BARD1: variants seen among roughly 807,000 people sequenced by gnomAD.
BARD1 encodes BRCA1 associated RING domain 1.
A neutral mutation model predicts 77.0 loss-of-function variants in BARD1; 73 were observed. The observed-to-expected ratio is 0.95, with a 90% CI of 0.79 to 1.15. The LOEUF is 1.15. Ranked by LOEUF, BARD1 falls within the 50% of genes most tolerant of loss-of-function variation. BARD1 has a pLI of 0.00. For missense variants in BARD1, 993 were observed against 938.8 expected (o/e 1.06, Z -0.75); for synonymous variants, 384 against 338.0 (o/e 1.14, Z -1.49).
intron 2 of BARD1, among the ~76,000 whole-genome samples, chr2:214,793,449 A>G (rs1289229930): frequency 6.6e-6 from 1 of 152,216 alleles, no homozygotes; most frequent in Non-Finnish European, 1.5e-5. Flanking sequence ...TTTCTTTAGC[A>G]AAGGATCTTC....
At chr2:214,757,730 C>T (rs753245711) in intron 6 of BARD1, among the ~76,000 whole-genome samples, 12 of 152,074 alleles carry the variant, frequency 7.9e-5, no homozygotes, top group Non-Finnish European at 1.6e-4. Context: ...ACTTTTGGCA[C>T]TATAGAAACA....
In BARD1 at chr2:214,728,814, G is replaced by C. The variant is rs1553612117; in HGVS notation, c.2196C>G (p.Phe732Leu). ...CTTCATAGATGATATACTGTGTGCA[G>C]AAGCGCTGATCAGAATCGGGTCTCG... ...YHARPDSDQRFCTQYIIYEDL... is the reference protein window; with the variant it reads ...YHARPDSDQRLCTQYIIYEDL... The change falls in exon 11 of 11, where the codon TTC becomes TTG. Residue 732 changes from phenylalanine (F) to leucine (L), a missense_variant. By Grantham distance (22) the Phe-to-Leu change is conservative. Transcript: ENST00000260947. 1.2e-6 allele frequency: 2 copies of C among 1,614,244 alleles called. No individual in the cohort carries two copies.
chr2:214,791,616 T>TA (rs1695517536), intron 3 of BARD1, among the ~76,000 whole-genome samples: 1 of 152,172 alleles, frequency 6.6e-6, no homozygotes, highest in African/African-American at 2.4e-5. Context: ...AAGGACAATT[T>TA]AAAAAACGTT....
chr2:214,735,991 C>T (rs1334429833), intron 9 of BARD1, among the ~76,000 whole-genome samples: 1 of 151,960 alleles, frequency 6.6e-6, no homozygotes, highest in Admixed American at 6.6e-5. Flanking sequence ...CTCTCTCCCC[C>T]ATTTTTTTAA....
chr2:214,782,148 T>C (rs2106114176), intron 3 of BARD1, among the ~76,000 whole-genome samples: 1 of 152,302 alleles, frequency 6.6e-6, no homozygotes, highest in South Asian at 2.1e-4. Context: ...ACAATAGTCA[T>C]GACCCTTTAG....
chr2:214,745,910 C>T, intron 7 of BARD1, 56 bp from the exon 8 acceptor site: 1 of 1,579,554 alleles, frequency 6.3e-7, no homozygotes, highest in Non-Finnish European at 8.7e-7. Context: ...TAGACAAAGA[C>T]ATTAAACAGA....
At chr2:214,795,597 T>A (rs1165456599) in intron 2 of BARD1, among the ~76,000 whole-genome samples, 1 of 152,134 alleles carries the variant, frequency 6.6e-6, no homozygotes, top group Non-Finnish European at 1.5e-5. Context: ...TATGAACCTA[T>A]CACAATAGTA....
intron 6 of BARD1, among the ~76,000 whole-genome samples, chr2:214,752,979 T>C (rs939028072): frequency 1.3e-5 from 2 of 152,176 alleles, no homozygotes; most frequent in Admixed American, 6.5e-5. Context: ...GAAGGAAAAT[T>C]ATGCCACATA....
At chr2:214,772,751 T>C (rs1694564589) in intron 4 of BARD1, among the ~76,000 whole-genome samples, 1 of 152,232 alleles carries the variant, frequency 6.6e-6, no homozygotes, top group Admixed American at 6.5e-5. Context: ...TATTTTCATC[T>C]TTCTACTTCA....
chr2:214,808,387 C>T (rs562635430), intron 1 of BARD1, among the ~76,000 whole-genome samples: 61 of 152,144 alleles, frequency 4.0e-4, no homozygotes, highest in African/African-American at 1.3e-3. Flanking sequence ...CCAGCCTGGG[C>T]GACAGAGCGA....
intron 6 of BARD1, among the ~76,000 whole-genome samples, chr2:214,758,211 A>C (rs949779055): frequency 6.6e-6 from 1 of 152,196 alleles, no homozygotes. Flanking sequence ...CCTGCCACTC[A>C]AAAGTCTTAT....
chr2:214,760,444 C>T (rs564378447), intron 6 of BARD1, among the ~76,000 whole-genome samples: 4 of 152,252 alleles, frequency 2.6e-5, no homozygotes, highest in East Asian at 1.9e-4. Context: ...CCACCCGCCT[C>T]GGCCTCCCAA....
At chr2:214,736,578 T>A (rs1373231822) in intron 9 of BARD1, among the ~76,000 whole-genome samples, 3 of 152,066 alleles carry the variant, frequency 2.0e-5, no homozygotes, top group Non-Finnish European at 4.4e-5. Flanking sequence ...GCTTCTCCAT[T>A]TTATGGGTTT....
At position 214,752,529 on chromosome 2, in the gene BARD1, T is replaced by G; in HGVS notation, c.1595A>C (p.Asp532Ala). ...AVNIFGLRPV[D>A]YTDDESMKSL... ...TTTCATACTTTCATCATCTGTATAA[T>G]CGACAGGCCGCAGACCAAATATATT... The change falls in exon 7 of 11, where the codon GAT (aspartate) becomes GCT (alanine). Residue 532 changes from aspartate to alanine, a missense_variant. Physicochemically the swap from Asp to Ala is moderately radical, Grantham distance 126 (BLOSUM62 -2). Transcript: ENST00000260947. The G allele has an allele frequency of 6.2e-7, 1 of 1,613,770 alleles. No homozygotes were observed. The highest frequency in any genetic ancestry group is 8.5e-7 in the Non-Finnish European group (1 of 1,179,762).
At chr2:214,759,433 A>G (rs1256826173) in intron 6 of BARD1, among the ~76,000 whole-genome samples, 2 of 152,210 alleles carry the variant, frequency 1.3e-5, no homozygotes, top group African/African-American at 4.8e-5. Flanking sequence ...GATGTTTTGA[A>G]CAGTTATAAA....
chr2:214,773,919 C>T (rs1448637273), intron 4 of BARD1, among the ~76,000 whole-genome samples: 1 of 151,482 alleles, frequency 6.6e-6, no homozygotes, highest in African/African-American at 2.4e-5. Flanking sequence ...TCCTCTCAAA[C>T]CCTGCTGCTG....
intron 1 of BARD1, among the ~76,000 whole-genome samples, chr2:214,807,434 T>C (rs1696325219): frequency 6.6e-6 from 1 of 152,214 alleles, no homozygotes; most frequent in South Asian, 2.1e-4. Flanking sequence ...TATTATCTAT[T>C]TTGTCTCTCC....
At chr2:214,771,833 C>T (rs529586583) in intron 4 of BARD1, among the ~76,000 whole-genome samples, 1 of 147,848 alleles carries the variant, frequency 6.8e-6, no homozygotes, top group East Asian at 2.1e-4. Context: ...ATGCAACATA[C>T]ATTTTTATAT....
chr2:214,786,486 A>AT (rs1349128381), intron 3 of BARD1, among the ~76,000 whole-genome samples: 1 of 151,962 alleles, frequency 6.6e-6, no homozygotes, highest in Non-Finnish European at 1.5e-5. Context: ...CTTTCACCTC[A>AT]TATTTCTTGA....
Sources: allele counts gnomAD v4.1 joint callset (sites outside exome capture counted in the v4.1 genomes callset), GRCh38; gene constraint gnomAD v4.1.1; transcripts MANE v1.5; gene names NCBI Gene and HGNC (gene_info 2026-07-23, HGNC 2026-07-21).